The following CFAP57 variants were observed in gnomAD, a reference collection of about 807,000 sequenced individuals.
The protein encoded by CFAP57 is cilia- and flagella-associated protein 57.
CFAP57 carries 116 observed loss-of-function variants against 146.8 expected under a neutral mutation model. The ratio of observed to expected loss-of-function variants is 0.79; its 90% CI spans 0.68 to 0.92. The LOEUF is 0.92. Ranked by LOEUF, CFAP57 falls within the 40% of genes least tolerant of loss-of-function variation. The pLI, the probability that CFAP57 is intolerant of heterozygous loss-of-function variation, is 0.00. For synonymous variants in CFAP57, 518 were observed against 552.8 expected (o/e 0.94, Z 0.88); for missense variants, 1,377 against 1,527.2 (o/e 0.90, Z 1.64).
At chr1:43,250,668 C>G (rs1228964268) in intron 22 of CFAP57, among the ~76,000 whole-genome samples, 1 of 152,222 alleles carries the variant, frequency 6.6e-6, no homozygotes, top group Non-Finnish European at 1.5e-5. Context: ...CAAACTGAAA[C>G]AGCCAGAGTG....
At chr1:43,200,384 G>T (rs682150) in intron 9 of CFAP57, among the ~76,000 whole-genome samples, 11,020 of 151,738 alleles carry the variant, frequency 0.073, 559 homozygotes, top group African/African-American at 0.14. Context: ...TTACTTGGGA[G>T]GCTGCGGTGG....
chr1:43,225,129 G>A (rs1418284881), intron 17 of CFAP57, among the ~76,000 whole-genome samples: 1 of 152,076 alleles, frequency 6.6e-6, no homozygotes, highest in Non-Finnish European at 1.5e-5. Context: ...TTCTCAAAGG[G>A]GGCTTTGACA....
chr1:43,191,801 T>C (rs2124376293), intron 6 of CFAP57, among the ~76,000 whole-genome samples: 1 of 42,866 alleles, frequency 2.3e-5, no homozygotes, highest in Non-Finnish European at 9.6e-5. Flanking sequence ...TAGGTTGCTC[T>C]TTTTTTTTTT....
In CFAP57 at chr1:43,234,426, T is replaced by TC. The variant is rs1645603587; in HGVS notation, c.3261+17dup. ...GCGAGCAGACATGGTAAGCTCAGCC[T>TC]CCCCTCCTGCCATGCACTGACCTCC... On this transcript the variant is annotated intron_variant, in intron 20 of 22. Coordinates refer to ENST00000372492, the MANE Select transcript of CFAP57 (RefSeq NM_001378189.1). 1.3e-6 allele frequency: 2 copies of TC among 1,545,266 alleles called. No homozygotes were observed. The highest frequency in any genetic ancestry group is 4.0e-5 in the Admixed American group (2 of 50,460).
Position 43,238,420 on chromosome 1 carries a change from A to T in CFAP57, c.3405+3782A>T, listed in dbSNP as rs1052122085. 2.6e-5 allele frequency among the ~76,000 whole-genome samples: 4 copies of T among 152,142 alleles called. No homozygotes were observed. The highest frequency in any genetic ancestry group is 9.7e-5 in the African/African-American group (4 of 41,426). ...CCTTTGCTTAGAAAGCTTTTTACAT[A>T]AACAGTTTCACATCCCCCAAGACTT... On this transcript the variant is annotated intron_variant, in intron 21 of 22. Coordinates refer to ENST00000372492, the MANE Select transcript of CFAP57 (RefSeq NM_001378189.1). The surrounding 1 kb of genome is among the most constrained non-coding windows in gnomAD (Gnocchi z 4.3).
intron 2 of CFAP57, among the ~76,000 whole-genome samples, chr1:43,179,083 A>G (rs1645283233): frequency 6.6e-6 from 1 of 152,122 alleles, no homozygotes; most frequent in South Asian, 2.1e-4. Context: ...AGAATTGAAC[A>G]ATGAGAACAC....
chr1:43,183,790 C>G lies in CFAP57; in HGVS notation c.674C>G (p.Ser225Cys), dbSNP rs1341729263. 6.2e-7 allele frequency: 1 copy of G among 1,614,224 alleles called. No individual in the cohort carries two copies. The change falls in exon 4 of 23, where the codon TCT (serine) becomes TGT (cysteine). Residue 225 changes from serine (S) to cysteine (C), a missense_variant. By Grantham distance (112) the Ser-to-Cys change is moderately radical. Transcript: ENST00000372492. ...TDTGKLFLFE[S>C]GDQRWETSIM... is the part of the protein sequence containing the mutation. ...ACAGGCAAACTCTTCCTCTTTGAAT[C>G]TGGAGATCAGCGTTGGGAGACCAGC... is the stretch of plus-strand genomic sequence containing the variant.
At chr1:43,183,186 G>A (rs627372) in intron 3 of CFAP57, among the ~76,000 whole-genome samples, 28,743 of 152,150 alleles carry the variant, frequency 0.19, 4,031 homozygotes, top group African/African-American at 0.38. Context: ...AGCTGTGATT[G>A]AAGGATGTTC....
chr1:43,175,483 C>A (rs1235359544), intron 2 of CFAP57, among the ~76,000 whole-genome samples: 1 of 142,960 alleles, frequency 7.0e-6, no homozygotes, highest in East Asian at 1.9e-4. Flanking sequence ...TCAACTCCAT[C>A]CTTCCAGTTT....
At chr1:43,241,571 T>C (rs556728834) in intron 21 of CFAP57, among the ~76,000 whole-genome samples, 46 of 152,152 alleles carry the variant, frequency 3.0e-4, no homozygotes, top group African/African-American at 1.1e-3. Flanking sequence ...CGTGAGATAA[T>C]GTCCCAAGTA....
intron 14 of CFAP57, 37 bp from the exon 15 acceptor site, chr1:43,222,068 C>T (rs1645067979): frequency 2.0e-6 from 3 of 1,510,124 alleles, no homozygotes; most frequent in African/African-American, 2.8e-5. Context: ...GCAAGTGCTG[C>T]TCTCCCACCT....
chr1:43,181,522 C>G lies in CFAP57; in HGVS notation c.158-12C>G. The stretch of plus-strand genomic sequence containing the variant: ...ATCTACCCTGATTATTTCCTTTTTC[C>G]TCTGTTTGCAGGCTCAGAGAAGAGT... On this transcript the variant is annotated splice_polypyrimidine_tract_variant and intron_variant, in intron 2 of 22. Transcript: ENST00000372492. 6.2e-7 allele frequency: 1 copy of G among 1,613,952 alleles called. No homozygotes were observed. Among genetic ancestry groups the G allele is most frequent in the African/African-American group, 1.3e-5 (1 of 75,012 alleles).
rs555648412 is a variant in CFAP57, at chr1:43,243,366, T to A, written c.3538+7T>A. On this transcript the variant is annotated splice_region_variant and intron_variant, in intron 22 of 22. Coordinates refer to ENST00000372492, the MANE Select transcript of CFAP57 (RefSeq NM_001378189.1). Reference sequence around the variant, plus strand: ...CAAGAAGTTTCAGAGACAGGTAATATCACCAGTGGCCAGGGGAGATGGGCA... The same window carrying A: ...CAAGAAGTTTCAGAGACAGGTAATAACACCAGTGGCCAGGGGAGATGGGCA... 1 of 1,529,504 alleles carries A rather than the reference T, an allele frequency of 6.5e-7. No individual in the cohort carries two copies. The highest frequency in any genetic ancestry group is 2.0e-5 in the Admixed American group (1 of 49,296). The allele number at this position is 1,529,504 out of a possible 1,614,324, so 94.7% of individuals were successfully genotyped here.
chr1:43,208,968 G>A (rs1458073688), intron 10 of CFAP57, among the ~76,000 whole-genome samples: 1 of 152,150 alleles, frequency 6.6e-6, no homozygotes, highest in East Asian at 1.9e-4. Context: ...CATACTGTGA[G>A]TAAGATATTT....
chr1:43,197,733 C>G (rs781203866), intron 7 of CFAP57, 41 bp downstream of exon 7: 20 of 1,609,884 alleles, frequency 1.2e-5, no homozygotes, highest in Non-Finnish European at 1.7e-5. Flanking sequence ...ATGCAAGACC[C>G]CAGTTGTGAA....
At chr1:43,208,572 C>A (rs904449580) in intron 10 of CFAP57, among the ~76,000 whole-genome samples, 14 of 152,172 alleles carry the variant, frequency 9.2e-5, no homozygotes, top group Non-Finnish European at 1.5e-4. Context: ...CATATTCTCA[C>A]TCATAGGTGG....
chr1:43,182,218 G>A (rs1475556089), intron 3 of CFAP57, among the ~76,000 whole-genome samples: 1 of 152,180 alleles, frequency 6.6e-6, no homozygotes, highest in African/African-American at 2.4e-5. Flanking sequence ...CAGCAGCATT[G>A]CCGGGCAGTA....
rs965505409 is a variant in CFAP57, at chr1:43,243,429, T to G, written c.3538+70T>G. ...GATTGATGGCAGCTGCAGGCAGGTC[T>G]CCCTTTGGCTTCCTTCTGTATCAGG... On this transcript the variant is annotated intron_variant, in intron 22 of 22. Transcript: ENST00000372492. 7.0e-6 allele frequency: 10 copies of G among 1,421,480 alleles called. No individual in the cohort carries two copies. The Admixed American group carries it at 1.1e-4, about 15-fold the overall frequency. The allele number at this position is 1,421,480 out of a possible 1,614,324, so 88.1% of individuals were successfully genotyped here. A position where few individuals can be genotyped will look rare whatever the true frequency, so the allele number is the denominator to read the frequency against.
In CFAP57 at chr1:43,253,999, C is replaced by T. The variant is rs1277445597; in HGVS notation, c.3561C>T (p.Ser1187=). 1.5e-5 allele frequency: 23 copies of T among 1,550,202 alleles called. No homozygotes were observed. The highest frequency in any genetic ancestry group is 2.0e-5 in the Non-Finnish European group (23 of 1,146,952). Residue 1187 remains serine, a synonymous_variant, in exon 23 of 23, where the codon AGC becomes AGT. Coordinates refer to ENST00000372492, the MANE Select transcript of CFAP57 (RefSeq NM_001378189.1). ...CAGAACCCAGCAGGGACATGCTCAGCACAGCTCCCACCGCAAGGTTGAATG... is the reference window on the plus strand; with the variant it reads ...CAGAACCCAGCAGGGACATGCTCAGTACAGCTCCCACCGCAAGGTTGAATG... The part of the protein sequence containing the change: ...SETEPSRDML[S]TAPTARLNEQ...
Sources: allele counts gnomAD v4.1 joint callset (sites outside exome capture counted in the v4.1 genomes callset), GRCh38; gene constraint gnomAD v4.1.1; non-coding constraint Gnocchi (gnomAD v3.1); transcripts MANE v1.5; gene names NCBI Gene and HGNC (gene_info 2026-07-23, HGNC 2026-07-21).